SGIP1: variants seen among roughly 807,000 people sequenced by gnomAD.
SGIP1 encodes SH3GL interacting endocytic adaptor 1.
SGIP1 carries 38 observed loss-of-function variants against 107.5 expected under a neutral mutation model. The ratio of observed to expected loss-of-function variants is 0.35; its 90% CI spans 0.27 to 0.46. The LOEUF is 0.46. SGIP1 is among the 20% of genes least tolerant of loss of function. The probability of loss-of-function intolerance (pLI) is 1.00; values close to 1 mark genes in which losing one functional copy is unlikely to be tolerated. For synonymous variants in SGIP1, 365 were observed against 366.1 expected (o/e 1.00, Z 0.03); for missense variants, 929 against 1,019.5 (o/e 0.91, Z 1.21).
intron 7 of SGIP1, among the ~76,000 whole-genome samples, chr1:66,653,576 C>G (rs1347443044): frequency 6.6e-6 from 1 of 152,124 alleles, no homozygotes; most frequent in Admixed American, 6.6e-5. Flanking sequence ...TCTGGGCAAG[C>G]TGACCTGATT....
chr1:66,694,055 T>C (rs1389602768), intron 17 of SGIP1, among the ~76,000 whole-genome samples: 1 of 152,232 alleles, frequency 6.6e-6, no homozygotes, highest in South Asian at 2.1e-4. Flanking sequence ...AGATTCTTGT[T>C]GATGGACATA....
chr1:66,578,838 A>AT (rs2061431756), intron 1 of SGIP1, among the ~76,000 whole-genome samples: 3 of 152,194 alleles, frequency 2.0e-5, no homozygotes, highest in African/African-American at 7.2e-5. Context: ...CACCCGACTA[A>AT]TTTTGTATTT....
rs552595916 is a variant in SGIP1 at position 66,542,495 on chromosome 1, G to GCA, written c.10+8129_10+8130dup. Among the ~76,000 whole-genome samples the GCA allele has an allele frequency of 3.2e-4, 48 of 152,190 alleles. No homozygotes were observed. In the South Asian group the frequency reaches 9.8e-3, roughly 31 times the overall value. On this transcript the variant is annotated intron_variant, in intron 1 of 24. Coordinates refer to ENST00000371037, the MANE Select transcript of SGIP1 (RefSeq NM_032291.4). ...AGGCTGCCATTGACCTTGAACACAG[G>GCA]CACTGCGATATGCAACAATATGATG...
intron 20 of SGIP1, among the ~76,000 whole-genome samples, chr1:66,730,881 A>G (rs532656396): frequency 6.6e-6 from 1 of 151,978 alleles, no homozygotes; most frequent in Non-Finnish European, 1.5e-5. Context: ...AACCTTCTTC[A>G]CCTGACTCCA....
intron 1 of SGIP1, chr1:66,615,991 C>G (rs1053593933): frequency 6.6e-6 from 1 of 152,204 alleles, no homozygotes; most frequent in Non-Finnish European, 1.5e-5. Context: ...GTAGAAGGAG[C>G]ACTGACCTAC....
intron 1 of SGIP1, among the ~76,000 whole-genome samples, chr1:66,563,111 A>G (rs1233675283): frequency 6.6e-6 from 1 of 152,030 alleles, no homozygotes; most frequent in African/African-American, 2.4e-5. Context: ...AAAAAAAATC[A>G]GCTACAAGAG....
chr1:66,578,078 T>A (rs546030719), intron 1 of SGIP1, among the ~76,000 whole-genome samples: 11 of 152,268 alleles, frequency 7.2e-5, no homozygotes, highest in African/African-American at 2.6e-4. Flanking sequence ...TATATTTTAA[T>A]TTTTTTCCAT....
intron 1 of SGIP1, among the ~76,000 whole-genome samples, chr1:66,546,892 G>T (rs1400643893): frequency 6.6e-6 from 1 of 152,128 alleles, no homozygotes; most frequent in Non-Finnish European, 1.5e-5. Flanking sequence ...TGCAAGTCCC[G>T]ACTGTGTCTG....
In SGIP1 at chr1:66,676,265, C is replaced by T. The variant is rs191583239; in HGVS notation, c.647-739C>T. Among the ~76,000 whole-genome samples, 185 of 152,244 alleles carry T rather than the reference C, an allele frequency of 1.2e-3. 1 individual carries two copies. Among genetic ancestry groups the T allele is most frequent in the African/African-American group, 4.3e-3 (177 of 41,516 alleles). On this transcript the variant is annotated intron_variant, in intron 12 of 24. Coordinates refer to ENST00000371037, the MANE Select transcript of SGIP1 (RefSeq NM_032291.4). Reference sequence around the variant, plus strand: ...AACTGACTTCCCAGCCTGTCCTAGACAACATAATGAATTACAGCAGTACTT... The same window carrying T: ...AACTGACTTCCCAGCCTGTCCTAGATAACATAATGAATTACAGCAGTACTT...
In SGIP1 at chr1:66,667,537, G is replaced by T. The variant is rs2082845998; in HGVS notation, c.479G>T (p.Ser160Ile). 6.2e-7 allele frequency: 1 copy of T among 1,613,808 alleles called. No homozygotes were observed. ...PSPVRKSPRR[S>I]PGAIKRNLSS... ...CCTTTTTGCTGATCACAGAGGCGCAGCCCGGTAAGAACTCTCAACATTTTT... is the reference window on the plus strand; with the variant it reads ...CCTTTTTGCTGATCACAGAGGCGCATCCCGGTAAGAACTCTCAACATTTTT... Residue 160 changes from serine to isoleucine, a missense_variant, in exon 9 of 25, where the codon AGC becomes ATC. Transcript: ENST00000371037.
intron 17 of SGIP1, among the ~76,000 whole-genome samples, chr1:66,692,030 G>A (rs1384681140): frequency 1.3e-5 from 2 of 151,826 alleles, no homozygotes; most frequent in Admixed American, 6.6e-5. Context: ...GTGGTGGTGG[G>A]CGCCTGTAGT....
intron 1 of SGIP1, among the ~76,000 whole-genome samples, chr1:66,566,585 T>A (rs893008654): frequency 2.0e-5 from 3 of 151,974 alleles, no homozygotes; most frequent in South Asian, 2.1e-4. Context: ...ATGGGTCTAG[T>A]TTTTCATCTG....
chr1:66,655,252 C>T (rs1402947408), intron 7 of SGIP1, among the ~76,000 whole-genome samples: 1 of 152,008 alleles, frequency 6.6e-6, no homozygotes, highest in Admixed American at 6.6e-5. Flanking sequence ...CTTCCCTCTC[C>T]TTCCACTACT....
chr1:66,679,586 T>C, intron 13 of SGIP1, 92 bp from the exon 14 acceptor site: 1 of 1,332,746 alleles, frequency 7.5e-7, no homozygotes, highest in Non-Finnish European at 1.0e-6. Context: ...AGCAGGAATA[T>C]AACTGAAAGC....
At chr1:66,651,610 A>T (rs1377219638) in intron 7 of SGIP1, among the ~76,000 whole-genome samples, 1 of 152,184 alleles carries the variant, frequency 6.6e-6, no homozygotes, top group Non-Finnish European at 1.5e-5. Context: ...ATCCCAGCCC[A>T]AAGGGCCCAC....
At chr1:66,708,371 T>C (rs905368631) in intron 18 of SGIP1, among the ~76,000 whole-genome samples, 2 of 152,194 alleles carry the variant, frequency 1.3e-5, no homozygotes, top group Non-Finnish European at 2.9e-5. Context: ...CAATGCTTGA[T>C]CAAACTCTCA....
intron 1 of SGIP1, among the ~76,000 whole-genome samples, chr1:66,537,775 T>C (rs967323): frequency 0.14 from 21,031 of 152,102 alleles, 2,106 homozygotes; most frequent in East Asian, 0.44. Context: ...AAGTATATTG[T>C]ATATACGGTG....
rs375924912 is a variant in SGIP1 at position 66,719,392 on chromosome 1, G to A, written c.1729G>A (p.Ala577Thr). The change falls in exon 19 of 25, where the codon GCA becomes ACA. Residue 577 changes from alanine (A) to threonine (T), a missense_variant. Ala to Thr is a moderately conservative substitution (Grantham distance 58). Around this residue, in one of 2 missense-constraint regions of SGIP1, gnomAD observed 341 missense variants for 430.9 expected, o/e 0.79. Coordinates refer to ENST00000371037, the MANE Select transcript of SGIP1 (RefSeq NM_032291.4). ...TETVNAYFKG[A>T]DPSKCIVKIT... Reference sequence around the variant, plus strand: ...AACAGTCAATGCCTATTTCAAAGGAGCAGACCCAAGCAAGTAAGCCTGATA... The same window carrying A: ...AACAGTCAATGCCTATTTCAAAGGAACAGACCCAAGCAAGTAAGCCTGATA... 1 of 1,612,842 alleles carries A rather than the reference G, an allele frequency of 6.2e-7. No individual in the cohort carries two copies. Among genetic ancestry groups the A allele is most frequent in the Non-Finnish European group, 8.5e-7 (1 of 1,179,264 alleles).
chr1:66,646,836 A>G (rs1238829107), intron 7 of SGIP1, among the ~76,000 whole-genome samples: 1 of 152,218 alleles, frequency 6.6e-6, no homozygotes, highest in African/African-American at 2.4e-5. Flanking sequence ...CTTGATTTTG[A>G]TATAGAAATA....
Sources: allele counts gnomAD v4.1 joint callset (sites outside exome capture counted in the v4.1 genomes callset), GRCh38; gene constraint gnomAD v4.1.1; regional missense constraint gnomAD v4.1.1; transcripts MANE v1.5; gene names NCBI Gene and HGNC (gene_info 2026-07-23, HGNC 2026-07-21).